Variants in COL4A2 observed in about 807,000 individuals in gnomAD.
The protein encoded by COL4A2 is collagen type IV alpha 2 chain.
In COL4A2, 99 loss-of-function variants were observed where a neutral mutation model predicts 200.2. The ratio of observed to expected loss-of-function variants is 0.49; its 90% CI spans 0.42 to 0.58. COL4A2 has a LOEUF of 0.58. Among genes scored for constraint, COL4A2 ranks in the 20% least tolerant of loss-of-function variants. COL4A2 has a pLI of 0.00. For missense variants in COL4A2, 1,950 were observed against 2,314.1 expected, an observed-to-expected ratio of 0.84 and a Z score of 3.23; for synonymous variants, 897 against 900.6, an observed-to-expected ratio of 1.00 and a Z score of 0.07.
intron 47 of COL4A2, among the ~76,000 whole-genome samples, chr13:110,511,272 T>G (rs1884073720): frequency 6.6e-6 from 1 of 151,294 alleles, no homozygotes; most frequent in Non-Finnish European, 1.5e-5. Flanking sequence ...ACCTCAGCCA[T>G]CTCCCAGCCA....
At chr13:110,403,068 G>C (rs1879433292) in intron 4 of COL4A2, among the ~76,000 whole-genome samples, 1 of 144,788 alleles carries the variant, frequency 6.9e-6, no homozygotes, top group Non-Finnish European at 1.5e-5. Context: ...GATGGGTGGG[G>C]CAGCCCCAAA....
intron 4 of COL4A2, among the ~76,000 whole-genome samples, chr13:110,419,779 G>A (rs565446006): frequency 6.0e-4 from 92 of 152,310 alleles, no homozygotes; most frequent in Non-Finnish European, 1.1e-3. Flanking sequence ...CCGTCCTCAC[G>A]ATAGTCAAAA....
chr13:110,445,914 T>C (rs928912664), intron 17 of COL4A2, 32 bp downstream of exon 17: 26 of 1,613,434 alleles, frequency 1.6e-5, no homozygotes, highest in Middle Eastern at 1.6e-4. Flanking sequence ...TTGCCACTTA[T>C]GGTGTCTCGC....
At chr13:110,482,384 G>A (rs1882964833) in intron 31 of COL4A2, 132 bp from the exon 32 acceptor site, 11 of 969,514 alleles carry the variant, frequency 1.1e-5, no homozygotes, top group South Asian at 4.7e-5. Context: ...TGGTGTCCCC[G>A]GAAATCCCTA....
At chr13:110,417,877 C>T (rs139229480) in intron 4 of COL4A2, among the ~76,000 whole-genome samples, 180 of 152,088 alleles carry the variant, frequency 1.2e-3, no homozygotes, top group African/African-American at 4.0e-3. Context: ...ATACAGGTCT[C>T]GGTGTGGATA....
At chr13:110,393,819 C>T (rs540000415) in intron 4 of COL4A2, among the ~76,000 whole-genome samples, 1 of 152,252 alleles carries the variant, frequency 6.6e-6, no homozygotes, top group African/African-American at 2.4e-5. Context: ...GCAGAGGTTA[C>T]AGGGAGCCGA....
intron 3 of COL4A2, among the ~76,000 whole-genome samples, chr13:110,308,658 T>C (rs1884880257): frequency 6.6e-6 from 1 of 152,088 alleles, no homozygotes. Flanking sequence ...AAAAACCGCG[T>C]TTTCTCCCAA....
intron 17 of COL4A2, among the ~76,000 whole-genome samples, chr13:110,446,352 G>GGGGCTC (rs1881322918): frequency 6.6e-6 from 1 of 152,162 alleles, no homozygotes; most frequent in Non-Finnish European, 1.5e-5. Context: ...TGAGCCGGGT[G>GGGGCTC]AGGCTCAAAG....
intron 4 of COL4A2, among the ~76,000 whole-genome samples, chr13:110,379,626 A>C (rs1878383132): frequency 6.6e-6 from 1 of 152,132 alleles, no homozygotes; most frequent in Non-Finnish European, 1.5e-5. Context: ...GGGTGCACAG[A>C]CCATGGAGCT....
At chr13:110,495,075 A>T (rs972332766) in intron 39 of COL4A2, among the ~76,000 whole-genome samples, 1 of 152,222 alleles carries the variant, frequency 6.6e-6, no homozygotes, top group African/African-American at 2.4e-5. Flanking sequence ...CAGCTCCTTG[A>T]CCCACTGTTT....
intron 3 of COL4A2, among the ~76,000 whole-genome samples, chr13:110,356,472 G>C (rs1877269756): frequency 6.6e-6 from 1 of 152,190 alleles, no homozygotes; most frequent in Admixed American, 6.5e-5. Context: ...CCCTCCCTTT[G>C]ATCACCATGA....
At chr13:110,328,860 C>T (rs1309981586) in intron 3 of COL4A2, among the ~76,000 whole-genome samples, 1 of 152,222 alleles carries the variant, frequency 6.6e-6, no homozygotes, top group Non-Finnish European at 1.5e-5. Flanking sequence ...ATCTAATTCA[C>T]TAGCTAAATC....
chr13:110,503,702 C>G (rs558444377), intron 43 of COL4A2, 145 bp from the exon 44 acceptor site: 3 of 988,470 alleles, frequency 3.0e-6, no homozygotes, highest in African/African-American at 1.6e-5. Flanking sequence ...GGCTCAGGCC[C>G]GTTAGTGTCT....
In COL4A2 at chr13:110,462,378, C is replaced by A. The variant is rs1882065167; in HGVS notation, c.1770C>A (p.Gly590=). The change falls in exon 24 of 48, where the codon GGC becomes GGA. Residue 590 remains glycine, a synonymous_variant. Coordinates refer to ENST00000360467, the MANE Select transcript of COL4A2 (RefSeq NM_001846.4). The part of the protein sequence containing the change: ...DGLDGFPGLP[G]PPGDGIKGPP... ...TCGATGGATTCCCCGGCCTCCCAGG[C>A]CCTCCCGTGAGTAGCCACAAACTGC... 3 of 1,612,770 alleles carry A rather than the reference C, an allele frequency of 1.9e-6. No homozygotes were observed. The highest frequency in any genetic ancestry group is 2.5e-6 in the Non-Finnish European group (3 of 1,179,904).
chr13:110,423,824 C>A (rs868390206), intron 4 of COL4A2, among the ~76,000 whole-genome samples: 2 of 152,146 alleles, frequency 1.3e-5, no homozygotes, highest in African/African-American at 4.8e-5. Context: ...CAGGAGTTGT[C>A]GTTTTGTGAC....
At chr13:110,488,903 A>G (rs1362057121) in intron 34 of COL4A2, among the ~76,000 whole-genome samples, 2 of 152,154 alleles carry the variant, frequency 1.3e-5, no homozygotes, top group African/African-American at 4.8e-5. Flanking sequence ...TGCAGTTGCC[A>G]AGCTTGTTTC....
intron 3 of COL4A2, among the ~76,000 whole-genome samples, chr13:110,310,788 G>A (rs1884955927): frequency 6.6e-6 from 1 of 152,150 alleles, no homozygotes; most frequent in Non-Finnish European, 1.5e-5. Context: ...ATTACTTATT[G>A]GGCACTTCCT....
At chr13:110,425,126 A>G in intron 6 of COL4A2, 129 bp downstream of exon 6, 1 of 1,053,370 alleles carries the variant, frequency 9.5e-7, no homozygotes. Context: ...TGGGGACTAT[A>G]CGTGCGTATT....
rs778865677 is a variant in COL4A2 at position 110,485,701 on chromosome 13, G to T, written c.3072G>T (p.Gly1024=). 1.2e-6 allele frequency: 2 copies of T among 1,613,222 alleles called. No individual in the cohort carries two copies. Among genetic ancestry groups the T allele is most frequent in the East Asian group, 4.5e-5 (2 of 44,856 alleles). ...PGIPGLSGIP[G]LPGRPGHIKG... is the part of the protein sequence containing the mutation. ...TCCCAGGGCTGTCAGGAATCCCTGGGCTGCCTGGGAGGCCCGGCCACATCA... is the reference window on the plus strand; with the variant it reads ...TCCCAGGGCTGTCAGGAATCCCTGGTCTGCCTGGGAGGCCCGGCCACATCA... Residue 1024 remains glycine, a synonymous_variant, in exon 34 of 48, where the codon GGG becomes GGT. Coordinates refer to ENST00000360467, the MANE Select transcript of COL4A2 (RefSeq NM_001846.4).
Sources: gnomAD v4.1 joint callset for allele counts (sites outside exome capture counted in the v4.1 genomes callset) on GRCh38, gnomAD v4.1.1 for gene constraint, MANE v1.5 for transcripts, NCBI Gene and HGNC (gene_info 2026-07-23, HGNC 2026-07-21) for gene names.